The following TUBB4B variants were observed in gnomAD, a reference collection of about 807,000 sequenced individuals.
TUBB4B encodes the protein tubulin beta 4B class IVb, also known as tubulin beta-4B chain.
Under a neutral mutation model 34.3 loss-of-function variants are expected in TUBB4B, and 7 were observed. The observed-to-expected ratio is 0.20, with a 90% confidence interval of 0.12 to 0.38. TUBB4B has a LOEUF of 0.38. TUBB4B is among the 10% of genes least tolerant of loss of function. TUBB4B has a pLI of 1.00. For missense variants in TUBB4B, 178 were observed against 610.9 expected (o/e 0.29, Z 7.47); for synonymous variants, 390 against 250.2 (o/e 1.56, Z -5.27).
chr9:137,241,438 G>A (rs1449825792), intron 1 of TUBB4B, 21 bp downstream of exon 1: 2 of 1,562,044 alleles, frequency 1.3e-6, no homozygotes, highest in Admixed American at 1.8e-5. Flanking sequence ...GGGGCGCTGG[G>A]GCCAGGCGGG....
rs763538566 is a variant in TUBB4B, at chr9:137,242,044, G to A, written c.277+23G>A. 3.1e-6 allele frequency: 5 copies of A among 1,607,138 alleles called. No individual in the cohort carries two copies. In the East Asian group the frequency reaches 8.9e-5, roughly 29 times the overall value. ...TCGGTGAGCCGTGGCTGGGGACTGG[G>A]CGGCGGCTCAAAGGTCAAGGGGCTG... On this transcript the variant is annotated intron_variant, in intron 3 of 3. Transcript: ENST00000340384.
At position 137,241,346 on chromosome 9, in the gene TUBB4B, GC is replaced by G. The variant is rs773803271; in HGVS notation, c.-13del. 6.9e-6 allele frequency: 11 copies of G among 1,592,056 alleles called. No individual in the cohort carries two copies. The South Asian group carries it at 1.1e-4, about 16-fold the overall frequency. On this transcript the variant is annotated 5_prime_UTR_variant, in exon 1 of 4. Coordinates refer to ENST00000340384, the MANE Select transcript of TUBB4B (RefSeq NM_006088.6). ...GTCTACTTCCTCCTGCTTCCCCGCC[GC>G]CGCCGCCGCCATCATGAGGGAAATC... is the stretch of plus-strand genomic sequence containing the variant.
Position 137,243,280 on chromosome 9 carries a change from T to C in TUBB4B, c.1062T>C (p.Cys354=), listed in dbSNP as rs1836795893. ...WIPNNVKTAV[C]DIPPRGLKMS... is the part of the protein sequence containing the mutation. ...CCAACAATGTGAAAACGGCTGTCTG[T>C]GACATCCCACCTCGGGGGCTAAAAA... Residue 354 remains cysteine (C), a synonymous_variant, in exon 4 of 4, where the codon TGT becomes TGC. Coordinates refer to ENST00000340384, the MANE Select transcript of TUBB4B (RefSeq NM_006088.6). The C allele has an allele frequency of 6.2e-7, 1 of 1,613,468 alleles. No individual in the cohort carries two copies. Among genetic ancestry groups the C allele is most frequent in the East Asian group, 2.2e-5 (1 of 44,906 alleles).
rs756852291 is a variant in TUBB4B at position 137,243,589 on chromosome 9, G to A, written c.*33G>A. On this transcript the variant is annotated 3_prime_UTR_variant, in exon 4 of 4. Transcript: ENST00000340384. Reference sequence around the variant, plus strand: ...AGTCACTGGGGAAAGCAGGGAAGCAGTGTGAACTCTTTATTCACTCCCAGC... The same window carrying A: ...AGTCACTGGGGAAAGCAGGGAAGCAATGTGAACTCTTTATTCACTCCCAGC... 1.9e-5 allele frequency: 30 copies of A among 1,613,344 alleles called. 1 individual carries two copies. Among genetic ancestry groups the A allele is most frequent in the South Asian group, 8.8e-5 (8 of 91,084 alleles).
chr9:137,242,381 C>A, intron 3 of TUBB4B, 115 bp from the exon 4 acceptor site: 1 of 1,305,992 alleles, frequency 7.7e-7, no homozygotes, highest in Non-Finnish European at 1.1e-6. Flanking sequence ...TTTGCTCTAC[C>A]TCCAGGGTGA....
In TUBB4B at chr9:137,243,316, C is replaced by G. The variant is rs113210630; in HGVS notation, c.1098C>G (p.Thr366=). The change falls in exon 4 of 4, where the codon ACC becomes ACG. Residue 366 remains threonine (T), a synonymous_variant. Transcript: ENST00000340384. Reference sequence around the variant, plus strand: ...CTCGGGGGCTAAAAATGTCCGCCACCTTCATTGGCAACAGCACGGCCATCC... The same window carrying G: ...CTCGGGGGCTAAAAATGTCCGCCACGTTCATTGGCAACAGCACGGCCATCC... ...IPPRGLKMSA[T]FIGNSTAIQE... is the part of the protein sequence containing the mutation. 4.3e-6 allele frequency: 7 copies of G among 1,613,634 alleles called. No individual in the cohort carries two copies. Among genetic ancestry groups the G allele is most frequent in the Admixed American group, 3.3e-5 (2 of 60,028 alleles).
Position 137,241,374 on chromosome 9 carries a change from T to C in TUBB4B, c.14T>C (p.Val5Ala). ...GCCGCCGCCATCATGAGGGAAATCGTGCACTTGCAGGCCGGGCAGTGCGGC... is the reference window on the plus strand; with the variant it reads ...GCCGCCGCCATCATGAGGGAAATCGCGCACTTGCAGGCCGGGCAGTGCGGC... MREIVHLQAGQCGNQ... is the reference protein window; with the variant it reads MREIAHLQAGQCGNQ... Residue 5 changes from valine to alanine, a missense_variant, in exon 1 of 4, where the codon GTG becomes GCG. Physicochemically the swap from Val to Ala is moderately conservative, Grantham distance 64. Coordinates refer to ENST00000340384, the MANE Select transcript of TUBB4B (RefSeq NM_006088.6). 6.2e-7 allele frequency: 1 copy of C among 1,603,462 alleles called. No homozygotes were observed. Among genetic ancestry groups the C allele is most frequent in the Non-Finnish European group, 8.5e-7 (1 of 1,177,328 alleles).
intron 3 of TUBB4B, 41 bp downstream of exon 3, chr9:137,242,062 A>C: frequency 6.3e-7 from 1 of 1,590,944 alleles, no homozygotes; most frequent in South Asian, 1.1e-5. Context: ...TCAAAGGTCA[A>C]GGGGCTGCTC....
At chr9:137,242,454 T>C (rs1331853278) in intron 3 of TUBB4B, 42 bp from the exon 4 acceptor site, 5 of 1,592,946 alleles carry the variant, frequency 3.1e-6, no homozygotes, top group Admixed American at 3.4e-5. Flanking sequence ...CCAGTAGTGC[T>C]GTCTACCTGG....
At position 137,241,701 on chromosome 9, in the gene TUBB4B, C is replaced by A; in HGVS notation, c.58-20C>A. On this transcript the variant is annotated intron_variant, in intron 1 of 3. Coordinates refer to ENST00000340384, the MANE Select transcript of TUBB4B (RefSeq NM_006088.6). ...GTGACTCAGCCCCGGCCCGCCCGGG[C>A]CCGCCCGCGTCCCTTGTAGTTTTGG... The A allele has an allele frequency of 6.2e-7, 1 of 1,601,836 alleles. No homozygotes were observed. Among genetic ancestry groups the A allele is most frequent in the Non-Finnish European group, 8.5e-7 (1 of 1,174,180 alleles).
In TUBB4B at chr9:137,243,090, A is replaced by C; in HGVS notation, c.872A>C (p.Gln291Pro). The change falls in exon 4 of 4, where the codon CAG becomes CCG. Residue 291 changes from glutamine to proline, a missense_variant. Gln to Pro is a moderately conservative substitution (Grantham distance 76, BLOSUM62 -1). Coordinates refer to ENST00000340384, the MANE Select transcript of TUBB4B (RefSeq NM_006088.6). Reference protein sequence around the residue: ...YRALTVPELTQQMFDAKNMMA... With the variant: ...YRALTVPELTPQMFDAKNMMA... ...GCGCTGACCGTGCCCGAGCTCACCC[A>C]GCAGATGTTTGATGCCAAGAACATG... The C allele has an allele frequency of 6.2e-7, 1 of 1,613,026 alleles. No homozygotes were observed. Among genetic ancestry groups the C allele is most frequent in the Non-Finnish European group, 8.5e-7 (1 of 1,180,030 alleles).
At chr9:137,241,613 G>GCGGGGAGGGC (rs1836745057) in intron 1 of TUBB4B, 108 bp from the exon 2 acceptor site, 1 of 759,006 alleles carries the variant, frequency 1.3e-6, no homozygotes, top group Non-Finnish European at 1.6e-6. Flanking sequence ...CGGGGGAGGG[G>GCGGGGAGGGC]CGGGGAGGGC....
At chr9:137,241,625 G>T in intron 1 of TUBB4B, 96 bp from the exon 2 acceptor site, 1 of 834,050 alleles carries the variant, frequency 1.2e-6, no homozygotes. Flanking sequence ...GGGGAGGGCC[G>T]GGCTGCCGCG....
At position 137,242,081 on chromosome 9, in the gene TUBB4B, C is replaced by T. The variant is rs984345942; in HGVS notation, c.277+60C>T. 6 of 1,534,890 alleles carry T rather than the reference C, an allele frequency of 3.9e-6. No homozygotes were observed. The South Asian group carries it at 4.7e-5, about 12-fold the overall frequency. On this transcript the variant is annotated intron_variant, in intron 3 of 3. Coordinates refer to ENST00000340384, the MANE Select transcript of TUBB4B (RefSeq NM_006088.6). ...AGGTCAAGGGGCTGCTCCAAGGGCA[C>T]CGCCGTGGGAACTGCGCAGCCGGGG...
rs778757317 is a variant in TUBB4B, at chr9:137,241,316, T to C, written c.-45T>C. On this transcript the variant is annotated 5_prime_UTR_variant, in exon 1 of 4. Coordinates refer to ENST00000340384, the MANE Select transcript of TUBB4B (RefSeq NM_006088.6). ...CTCTGCGCGCCCGCTCTTCTGCTGC[T>C]GTTTGTCTACTTCCTCCTGCTTCCC... 281 of 1,581,322 alleles carry C rather than the reference T, an allele frequency of 1.8e-4. No individual in the cohort carries two copies. The highest frequency in any genetic ancestry group is 2.9e-4 in the Admixed American group (17 of 58,750).
Position 137,241,709 on chromosome 9 carries a change from C to T in TUBB4B, c.58-12C>T. On this transcript the variant is annotated splice_polypyrimidine_tract_variant and intron_variant, in intron 1 of 3. Transcript: ENST00000340384. Reference sequence around the variant, plus strand: ...GCCCCGGCCCGCCCGGGCCCGCCCGCGTCCCTTGTAGTTTTGGGAGGTGAT... The same window carrying T: ...GCCCCGGCCCGCCCGGGCCCGCCCGTGTCCCTTGTAGTTTTGGGAGGTGAT... The T allele has an allele frequency of 1.2e-6, 2 of 1,607,162 alleles. No individual in the cohort carries two copies. The highest frequency in any genetic ancestry group is 1.7e-6 in the Non-Finnish European group (2 of 1,177,088).
intron 3 of TUBB4B, 102 bp from the exon 4 acceptor site, chr9:137,242,394 T>C: frequency 7.2e-7 from 1 of 1,388,514 alleles, no homozygotes; most frequent in Admixed American, 2.2e-5. Flanking sequence ...CAGGGTGAAT[T>C]CTGTGGTCAG....
At position 137,243,088 on chromosome 9, in the gene TUBB4B, C is replaced by T; in HGVS notation, c.870C>T (p.Thr290=). The change falls in exon 4 of 4, where the codon ACC becomes ACT. Residue 290 remains threonine (T), a synonymous_variant. Transcript: ENST00000340384. The part of the protein sequence containing the change: ...QYRALTVPEL[T]QQMFDAKNMM... Reference sequence around the variant, plus strand: ...GGGCGCTGACCGTGCCCGAGCTCACCCAGCAGATGTTTGATGCCAAGAACA... The same window carrying T: ...GGGCGCTGACCGTGCCCGAGCTCACTCAGCAGATGTTTGATGCCAAGAACA... The T allele has an allele frequency of 1.2e-6, 2 of 1,613,004 alleles. No individual in the cohort carries two copies. Among genetic ancestry groups the T allele is most frequent in the South Asian group, 1.1e-5 (1 of 91,086 alleles).
Position 137,241,290 on chromosome 9 carries a change from A to C in TUBB4B, c.-71A>C, listed in dbSNP as rs983389799. ...GCGTTGGCGGAGCGTCGGTTGTAGCACTCTGCGCGCCCGCTCTTCTGCTGC... is the reference window on the plus strand; with the variant it reads ...GCGTTGGCGGAGCGTCGGTTGTAGCCCTCTGCGCGCCCGCTCTTCTGCTGC... On this transcript the variant is annotated 5_prime_UTR_variant, in exon 1 of 4. Coordinates refer to ENST00000340384, the MANE Select transcript of TUBB4B (RefSeq NM_006088.6). 10 of 1,540,704 alleles carry C rather than the reference A, an allele frequency of 6.5e-6. No individual in the cohort carries two copies. The highest frequency in any genetic ancestry group is 5.5e-5 in the Admixed American group (3 of 54,472).
Sources: gnomAD v4.1 joint callset for allele counts on GRCh38, gnomAD v4.1.1 for gene constraint, MANE v1.5 for transcripts, NCBI Gene and HGNC (gene_info 2026-07-23, HGNC 2026-07-21) for gene names.